Variants in ARAP2 observed in about 807,000 individuals in gnomAD.
The protein encoded by ARAP2 is ArfGAP with RhoGAP domain, ankyrin repeat and PH domain 2, also known as arf-GAP with Rho-GAP domain, ANK repeat and PH domain-containing protein 2.
A neutral mutation model predicts 194.5 loss-of-function variants in ARAP2; 148 were observed. The observed-to-expected ratio is 0.76, with a 90% confidence interval of 0.67 to 0.87. The LOEUF (loss-of-function observed/expected upper bound fraction) is 0.87. Ranked by LOEUF, ARAP2 falls within the 40% of genes least tolerant of loss-of-function variation. The probability of loss-of-function intolerance (pLI) is 0.00; values close to 1 mark genes in which losing one functional copy is unlikely to be tolerated. For synonymous variants in ARAP2, 695 were observed against 683.5 expected, an observed-to-expected ratio of 1.02 and a Z score of -0.26; for missense variants, 2,128 against 1,989.7, an observed-to-expected ratio of 1.07 and a Z score of -1.32.
At chr4:36,012,206 A>G (rs1452799760) in intron 9 of ARAP2, among the ~76,000 whole-genome samples, 1 of 152,188 alleles carries the variant, frequency 6.6e-6, no homozygotes, top group Non-Finnish European at 1.5e-5. Context: ...AACTCTCTAC[A>G]TGTAAAATTT....
rs1729314714 is a variant in ARAP2 at position 36,145,052 on chromosome 4, T to C, written c.3263+2244A>G. 1.3e-5 allele frequency among the ~76,000 whole-genome samples: 2 copies of C among 151,966 alleles called. 1 individual carries two copies. The highest frequency in any genetic ancestry group is 4.1e-4 in the South Asian group (2 of 4,828). Reference sequence around the variant, plus strand: ...TACTGAACCAGTGTAATTAAGAGTTTTTTTAAGCAAATTACAAGAAGCCAA... The same window carrying C: ...TACTGAACCAGTGTAATTAAGAGTTCTTTTAAGCAAATTACAAGAAGCCAA... On this transcript the variant is annotated intron_variant, in intron 19 of 32. Transcript: ENST00000303965.
intron 3 of ARAP2, among the ~76,000 whole-genome samples, chr4:36,213,859 A>T (rs1747324041): frequency 1.3e-5 from 2 of 152,104 alleles, no homozygotes; most frequent in African/African-American, 2.4e-5. Context: ...AAGTTCCACC[A>T]TCCTTGAATT....
intron 9 of ARAP2, among the ~76,000 whole-genome samples, chr4:36,009,818 A>G (rs1714066226): frequency 7.3e-6 from 1 of 136,448 alleles, no homozygotes; most frequent in Admixed American, 9.0e-5. Flanking sequence ...GGAGAAGGCA[A>G]TTCTATATAG....
At chr4:36,086,591 T>A (rs1286484923) in intron 28 of ARAP2, among the ~76,000 whole-genome samples, 2 of 152,156 alleles carry the variant, frequency 1.3e-5, no homozygotes, top group African/African-American at 4.8e-5. Flanking sequence ...CAACTTTCTC[T>A]TTTGGTATGT....
intron 9 of ARAP2, among the ~76,000 whole-genome samples, chr4:36,012,134 C>T (rs1187109459): frequency 1.3e-5 from 2 of 152,064 alleles, no homozygotes; most frequent in African/African-American, 4.8e-5. Context: ...GTCTACGATT[C>T]TTCATAATAT....
At chr4:36,133,482 T>G in intron 19 of ARAP2, 93 bp from the exon 20 acceptor site, 1 of 1,157,362 alleles carries the variant, frequency 8.6e-7, no homozygotes, top group Non-Finnish European at 1.2e-6. Context: ...CACACAATCA[T>G]GCAAGACAAA....
At chr4:36,148,882 C>G (rs1320881125) in intron 16 of ARAP2, among the ~76,000 whole-genome samples, 1 of 152,056 alleles carries the variant, frequency 6.6e-6, no homozygotes, top group African/African-American at 2.4e-5. Flanking sequence ...GTTTTTAACC[C>G]TCTTCTTTTC....
intron 6 of ARAP2, among the ~76,000 whole-genome samples, chr4:36,201,874 CA>C (rs1744440863): frequency 1.3e-5 from 2 of 151,882 alleles, no homozygotes; most frequent in South Asian, 4.2e-4. Context: ...CCAATGATAC[CA>C]ATCTAAGGTG....
At chr4:36,045,679 G>A (rs762554508) in intron 5 of ARAP2, among the ~76,000 whole-genome samples, 2 of 152,042 alleles carry the variant, frequency 1.3e-5, no homozygotes, top group Non-Finnish European at 2.9e-5. Context: ...TTTCAAAATT[G>A]TTAAAAGAAT....
downstream of ARAP2, among the ~76,000 whole-genome samples, chr4:36,064,015 C>G (rs1292932691): frequency 6.6e-6 from 1 of 152,096 alleles, no homozygotes; most frequent in Non-Finnish European, 1.5e-5. Context: ...GTTCATAAGT[C>G]ATATTTTTGC....
intron 3 of ARAP2, among the ~76,000 whole-genome samples, chr4:36,048,575 A>G (rs1368649403): frequency 6.6e-6 from 1 of 152,170 alleles, no homozygotes; most frequent in Non-Finnish European, 1.5e-5. Context: ...TTCATGATAT[A>G]CATGAATCAT....
chr4:36,229,918 T>C (rs1202261456), intron 1 of ARAP2, among the ~76,000 whole-genome samples: 3 of 152,182 alleles, frequency 2.0e-5, no homozygotes, highest in Admixed American at 6.5e-5. Context: ...ATCAAAAACT[T>C]TATTCAACTT....
intron 19 of ARAP2, among the ~76,000 whole-genome samples, chr4:36,137,841 G>A (rs1394623808): frequency 6.6e-6 from 1 of 151,718 alleles, no homozygotes; most frequent in Non-Finnish European, 1.5e-5. Context: ...GAAGTGAAAT[G>A]CTGATGTGTA....
In ARAP2 at chr4:36,044,867, T is replaced by TA. The variant is rs375282050; in HGVS notation, n.607+1111dup. 1.5e-3 allele frequency among the ~76,000 whole-genome samples: 227 copies of TA among 147,424 alleles called. 1 individual carries two copies. The highest frequency in any genetic ancestry group is 4.8e-3 in the African/African-American group (195 of 40,252). On this transcript the variant is annotated intron_variant and non_coding_transcript_variant, in intron 5 of 12. Coordinates refer to the ARAP2 transcript ENST00000503225. The stretch of plus-strand genomic sequence containing the variant: ...CTCAATAACAAGGAAATAACCCTGC[T>TA]AAAAAAAAAATGACCAAAGAACCTG...
At position 36,212,483 on chromosome 4, in the gene ARAP2, C is replaced by T. The variant is rs147244045; in HGVS notation, c.1046G>A (p.Arg349Gln). ...LFQRLENSKK[R>Q]SIKNEFLTQG... ...GGTCAAAAATTCATTCTTTATAGATCGCTTCTATTAAAAAAGCAAACAAAC... is the reference window on the plus strand; with the variant it reads ...GGTCAAAAATTCATTCTTTATAGATTGCTTCTATTAAAAAAGCAAACAAAC... Residue 349 changes from arginine (R) to glutamine (Q), a missense_variant, in exon 5 of 33, where the codon CGA becomes CAA. Physicochemically the swap from Arg to Gln is conservative, Grantham distance 43 (BLOSUM62 1). Coordinates refer to ENST00000303965, the MANE Select transcript of ARAP2 (RefSeq NM_015230.4). The T allele has an allele frequency of 4.3e-5, 69 of 1,609,856 alleles. 1 individual carries two copies. The highest frequency in any genetic ancestry group is 3.9e-4 in the African/African-American group (29 of 74,768).
intron 24 of ARAP2, among the ~76,000 whole-genome samples, 159 bp from the exon 25 acceptor site, chr4:36,117,294 C>T (rs1311400228): frequency 6.6e-6 from 1 of 151,754 alleles, no homozygotes; most frequent in Non-Finnish European, 1.5e-5. Context: ...GTGCCCATTT[C>T]CACATATGGT....
chr4:36,157,808 T>G (rs1732920270), intron 15 of ARAP2, among the ~76,000 whole-genome samples: 1 of 152,076 alleles, frequency 6.6e-6, no homozygotes, highest in African/African-American at 2.4e-5. Context: ...TATATATATA[T>G]ATATTTGGAA....
intron 10 of ARAP2, among the ~76,000 whole-genome samples, chr4:36,165,898 A>G (rs941373524): frequency 1.3e-5 from 2 of 152,172 alleles, no homozygotes; most frequent in Non-Finnish European, 2.9e-5. Context: ...AAATATAATG[A>G]AAATCACAGC....
chr4:36,113,566 A>C (rs542237183), intron 26 of ARAP2, among the ~76,000 whole-genome samples: 1 of 152,108 alleles, frequency 6.6e-6, no homozygotes, highest in South Asian at 2.1e-4. Context: ...GCAGCTAGAC[A>C]GATGGTGAAG....
Sources: allele counts gnomAD v4.1 joint callset (sites outside exome capture counted in the v4.1 genomes callset), GRCh38; gene constraint gnomAD v4.1.1; transcripts MANE v1.5; gene names NCBI Gene and HGNC (gene_info 2026-07-23, HGNC 2026-07-21).